The following LRRC49 variants were observed in gnomAD, a reference collection of about 807,000 sequenced individuals.
The protein encoded by LRRC49 is leucine rich repeat containing 49.
Under a neutral mutation model 83.3 loss-of-function variants are expected in LRRC49, and 50 were observed. The ratio of observed to expected loss-of-function variants is 0.60; its 90% CI spans 0.48 to 0.76. LRRC49 has a LOEUF of 0.76. Ranked by LOEUF, LRRC49 falls within the 30% of genes least tolerant of loss-of-function variation. The pLI is 0.00. For synonymous variants in LRRC49, 286 were observed against 283.3 expected, an observed-to-expected ratio of 1.01 and a Z score of -0.10; for missense variants, 704 against 809.1, an observed-to-expected ratio of 0.87 and a Z score of 1.58.
At chr15:70,997,098 G>C (rs2141247183) in intron 11 of LRRC49, among the ~76,000 whole-genome samples, 1 of 152,242 alleles carries the variant, frequency 6.6e-6, no homozygotes, top group Admixed American at 6.5e-5. Context: ...TTTACTTGCT[G>C]ATCTTCTGTC....
At chr15:70,902,204 C>A (rs2034114739) in intron 4 of LRRC49, among the ~76,000 whole-genome samples, 1 of 152,046 alleles carries the variant, frequency 6.6e-6, no homozygotes, top group Admixed American at 6.6e-5. Flanking sequence ...TTCTCTTGAT[C>A]TTTGAAAGAC....
intron 7 of LRRC49, among the ~76,000 whole-genome samples, chr15:70,932,720 CTCTG>C (rs1243526165): frequency 5.6e-5 from 8 of 142,656 alleles, no homozygotes; most frequent in African/African-American, 2.0e-4. Flanking sequence ...TTTTTTCTTT[CTCTG>C]TCTTTTTTTT....
intron 11 of LRRC49, among the ~76,000 whole-genome samples, chr15:71,003,845 T>G (rs1310960710): frequency 1.3e-5 from 2 of 148,704 alleles, no homozygotes; most frequent in East Asian, 3.8e-4. Flanking sequence ...CCATTGCCAT[T>G]TTGACTACAC....
chr15:70,877,212 T>G (rs1456550760), intron 2 of LRRC49, among the ~76,000 whole-genome samples: 2 of 152,334 alleles, frequency 1.3e-5, no homozygotes, highest in East Asian at 3.9e-4. Context: ...GTGTATTGCT[T>G]TTTCTTTAAC....
At chr15:70,882,241 A>G (rs111981438) in intron 2 of LRRC49, 3 of 429,628 alleles carry the variant, frequency 7.0e-6, no homozygotes, top group Non-Finnish European at 1.2e-5. Context: ...AAAGAAAAAA[A>G]AAGGTGAAAG....
chr15:70,892,030 C>A, upstream of LRRC49: 1 of 1,613,260 alleles, frequency 6.2e-7, no homozygotes, highest in Non-Finnish European at 8.5e-7. Flanking sequence ...CGCCTGCCAC[C>A]AGCCTCAGGC....
intron 1 of LRRC49, among the ~76,000 whole-genome samples, chr15:70,860,783 C>G (rs2032771021): frequency 6.6e-6 from 1 of 152,196 alleles, no homozygotes; most frequent in Admixed American, 6.5e-5. Flanking sequence ...TCTTTCTTGT[C>G]TAACAATATC....
intron 7 of LRRC49, among the ~76,000 whole-genome samples, chr15:70,921,734 G>T (rs2035013694): frequency 6.6e-6 from 1 of 152,068 alleles, no homozygotes; most frequent in Non-Finnish European, 1.5e-5. Flanking sequence ...CAGAAGTGTT[G>T]GTCAGATGAT....
chr15:71,038,779 T>C (rs2039605923), intron 15 of LRRC49, among the ~76,000 whole-genome samples: 1 of 152,196 alleles, frequency 6.6e-6, no homozygotes, highest in South Asian at 2.1e-4. Flanking sequence ...AGAACAAGTC[T>C]GTTCCTTATG....
At chr15:71,018,149 A>G (rs896994288) in intron 14 of LRRC49, among the ~76,000 whole-genome samples, 5 of 152,118 alleles carry the variant, frequency 3.3e-5, no homozygotes, top group African/African-American at 9.7e-5. Flanking sequence ...GCATAAAACT[A>G]TTTATATTAT....
intron 15 of LRRC49, among the ~76,000 whole-genome samples, chr15:71,040,287 A>G (rs553912688): frequency 1.3e-5 from 2 of 152,332 alleles, no homozygotes; most frequent in South Asian, 4.1e-4. Flanking sequence ...TAGCATTAGT[A>G]GTAGGCAGAA....
rs1254246801 is a variant in LRRC49 at position 70,900,906 on chromosome 15, A to G, written c.194-16A>G. ...GGTTTTTCTTAATTAAGTAATTTGT[A>G]TATCATTTTTAATAGGTGATCATAT... On this transcript the variant is annotated splice_polypyrimidine_tract_variant and intron_variant, in intron 3 of 15. Coordinates refer to ENST00000260382, the MANE Select transcript of LRRC49 (RefSeq NM_017691.5). The G allele has an allele frequency of 1.4e-6, 2 of 1,452,784 alleles. No individual in the cohort carries two copies. Among genetic ancestry groups the G allele is most frequent in the East Asian group, 2.3e-5 (1 of 43,970 alleles). The allele number at this position is 1,452,784 out of a possible 1,614,324, so 90.0% of individuals were successfully genotyped here.
intron 1 of LRRC49, among the ~76,000 whole-genome samples, chr15:70,865,802 T>A (rs1489747631): frequency 6.6e-6 from 1 of 152,030 alleles, no homozygotes; most frequent in Non-Finnish European, 1.5e-5. Context: ...ACCAAGAAAA[T>A]CCTGGGCAAG....
chr15:71,011,081 A>C (rs1318769490), intron 13 of LRRC49, among the ~76,000 whole-genome samples: 1 of 152,104 alleles, frequency 6.6e-6, no homozygotes, highest in Non-Finnish European at 1.5e-5. Context: ...TCTGCTGAAG[A>C]TGTTGGGTAA....
chr15:71,049,482 T>C lies in LRRC49; in HGVS notation c.1931T>C (p.Met644Thr). 2 of 1,613,734 alleles carry C rather than the reference T, an allele frequency of 1.2e-6. No homozygotes were observed. The highest frequency in any genetic ancestry group is 1.7e-6 in the Non-Finnish European group (2 of 1,179,686). ...GTGAAGGAAGCCACAGAAATCAACA[T>C]GAAAAATGAGGCTTTGCAGAAGCTT... ...DLVKEATEINMKNEALQKLWP... is the reference protein window; with the variant it reads ...DLVKEATEINTKNEALQKLWP... Residue 644 changes from methionine to threonine, a missense_variant, in exon 16 of 16, where the codon ATG (methionine) becomes ACG (threonine). By Grantham distance (81) the Met-to-Thr change is moderately conservative. This residue lies in a region of LRRC49 where 275 missense variants were observed against 338.0 expected (regional missense o/e 0.81). Coordinates refer to ENST00000260382, the MANE Select transcript of LRRC49 (RefSeq NM_017691.5).
intron 11 of LRRC49, among the ~76,000 whole-genome samples, chr15:71,007,075 T>C (rs1567095531): frequency 6.6e-6 from 1 of 152,038 alleles, no homozygotes; most frequent in Admixed American, 6.6e-5. Context: ...AGCCTTTTTG[T>C]ATTTTCTTGG....
At chr15:71,043,703 A>G (rs1026817010) in intron 15 of LRRC49, among the ~76,000 whole-genome samples, 6 of 152,246 alleles carry the variant, frequency 3.9e-5, no homozygotes, top group Admixed American at 1.3e-4. Flanking sequence ...AAGGATTATT[A>G]TAGCAGATAC....
intron 11 of LRRC49, among the ~76,000 whole-genome samples, chr15:70,995,856 G>GCTTA (rs1272466176): frequency 2.0e-5 from 3 of 152,160 alleles, no homozygotes; most frequent in Non-Finnish European, 4.4e-5. Context: ...TGTGCCTTAT[G>GCTTA]CTTACTGCCA....
intron 15 of LRRC49, among the ~76,000 whole-genome samples, chr15:71,046,930 G>T (rs1238819712): frequency 6.6e-6 from 1 of 152,130 alleles, no homozygotes; most frequent in East Asian, 1.9e-4. Flanking sequence ...TCTCAGCACC[G>T]TTTATAGAAT....
Sources: gnomAD v4.1 joint callset for allele counts (sites outside exome capture counted in the v4.1 genomes callset) on GRCh38, gnomAD v4.1.1 for gene constraint, gnomAD v4.1.1 regional missense constraint, MANE v1.5 for transcripts, NCBI Gene and HGNC (gene_info 2026-07-23, HGNC 2026-07-21) for gene names.